The following CDH13 variants were observed in gnomAD, a reference collection of about 807,000 sequenced individuals.
The protein encoded by CDH13 is cadherin-13.
In CDH13, 24 loss-of-function variants were observed where a neutral mutation model predicts 63.8. The observed-to-expected ratio is 0.38, with a 90% CI of 0.27 to 0.53. CDH13 has a LOEUF of 0.53. Ranked by LOEUF, CDH13 falls within the 20% of genes least tolerant of loss-of-function variation. The pLI is 0.85. For missense variants in CDH13, 1,049 were observed against 903.1 expected, an observed-to-expected ratio of 1.16 and a Z score of -2.07; for synonymous variants, 503 against 355.3, an observed-to-expected ratio of 1.42 and a Z score of -4.67.
intron 6 of CDH13, among the ~76,000 whole-genome samples, chr16:83,400,350 C>T (rs922799174): frequency 6.6e-6 from 1 of 152,140 alleles, no homozygotes; most frequent in East Asian, 1.9e-4. Context: ...AGTTTGTTTT[C>T]TCAGGCAGGC....
chr16:83,567,278 G>T (rs35432637), intron 7 of CDH13, among the ~76,000 whole-genome samples: 73,459 of 152,042 alleles, frequency 0.48, 18,432 homozygotes, highest in East Asian at 0.62. Flanking sequence ...TAGAAGAAAA[G>T]GCCATATCAA....
chr16:83,321,525 A>ATTTTTTTTTTTTTTTTTTTTTTTTTTTT (rs10672316), intron 5 of CDH13, among the ~76,000 whole-genome samples: 1 of 103,650 alleles, frequency 9.6e-6, no homozygotes, highest in Non-Finnish European at 1.8e-5. Flanking sequence ...GAAATCTGGA[A>ATTTTTTTTTTTTTTTTTTTTTTTTTTTT]TTTTTTTTTT....
chr16:83,783,205 T>C (rs1165104205), intron 12 of CDH13, 49 bp from the exon 13 acceptor site: 2 of 1,306,256 alleles, frequency 1.5e-6, no homozygotes, highest in Middle Eastern at 1.8e-4. Flanking sequence ...CACTCTTTTA[T>C]TGGAAAAAGT....
chr16:83,628,708 T>C (rs941396415), intron 8 of CDH13, among the ~76,000 whole-genome samples: 2 of 151,916 alleles, frequency 1.3e-5, no homozygotes, highest in South Asian at 4.2e-4. Context: ...TGTGAGGCAA[T>C]CTGGGGTTTT....
chr16:83,145,615 T>C (rs1567874713), intron 4 of CDH13, among the ~76,000 whole-genome samples: 1 of 152,200 alleles, frequency 6.6e-6, no homozygotes, highest in Non-Finnish European at 1.5e-5. Flanking sequence ...TTTGCACTTG[T>C]TTCATTTTTT....
chr16:83,208,344 A>G (rs999835924), intron 4 of CDH13, among the ~76,000 whole-genome samples: 3 of 152,206 alleles, frequency 2.0e-5, no homozygotes, highest in Admixed American at 6.5e-5. Context: ...TGTGTCTTCA[A>G]TTTCAAAGGC....
intron 2 of CDH13, 189 bp downstream of exon 2, chr16:82,858,662 G>A (rs759547095): frequency 1.6e-6 from 1 of 627,004 alleles, no homozygotes; most frequent in Non-Finnish European, 2.9e-6. Context: ...TTAATAGAGT[G>A]ATATGCATCT....
chr16:82,897,732 C>T (rs192457993), intron 2 of CDH13, among the ~76,000 whole-genome samples: 42 of 152,386 alleles, frequency 2.8e-4, no homozygotes, highest in Non-Finnish European at 1.8e-4. Flanking sequence ...ATACTCTGCC[C>T]TGCTGAGTAG....
At position 83,110,412 on chromosome 16, in the gene CDH13, G is replaced by A. The variant is rs558710379; in HGVS notation, c.367-14973G>A. On this transcript the variant is annotated intron_variant, in intron 3 of 13. Coordinates refer to ENST00000567109, the MANE Select transcript of CDH13 (RefSeq NM_001257.5). ...ACCACAACCAAGGAGGATTTAACAA[G>A]GGATTTTATGCCTTGCAATGCGGAA... 1.9e-4 allele frequency among the ~76,000 whole-genome samples: 29 copies of A among 152,322 alleles called. 1 individual carries two copies. The highest frequency in any genetic ancestry group is 6.5e-4 in the African/African-American group (27 of 41,572).
chr16:82,909,080 T>G (rs989965630), intron 2 of CDH13, among the ~76,000 whole-genome samples: 1 of 152,220 alleles, frequency 6.6e-6, no homozygotes, highest in Non-Finnish European at 1.5e-5. Flanking sequence ...TCTAGATTAC[T>G]TATGATATGT....
intron 2 of CDH13, among the ~76,000 whole-genome samples, chr16:82,924,228 T>A (rs1180914925): frequency 6.6e-6 from 1 of 152,198 alleles, no homozygotes; most frequent in Non-Finnish European, 1.5e-5. Context: ...AAGATAATGA[T>A]CAAAGGACTC....
chr16:83,121,374 T>C (rs1370076918), intron 3 of CDH13, among the ~76,000 whole-genome samples: 29 of 152,246 alleles, frequency 1.9e-4, no homozygotes, highest in Non-Finnish European at 5.9e-5. Context: ...GCAGTTTGCA[T>C]GCAACCTCTC....
At chr16:82,787,930 C>G (rs938399195) in intron 1 of CDH13, among the ~76,000 whole-genome samples, 1 of 142,532 alleles carries the variant, frequency 7.0e-6, no homozygotes, top group Non-Finnish European at 1.5e-5. Context: ...CTCACAACTC[C>G]TGGGCTGTAC....
At chr16:82,982,945 T>C (rs1056878677) in intron 2 of CDH13, among the ~76,000 whole-genome samples, 3 of 152,170 alleles carry the variant, frequency 2.0e-5, no homozygotes, top group Admixed American at 6.5e-5. Context: ...ATCATAGTTA[T>C]TTCGTTTGCT....
chr16:83,124,119 C>T (rs1315162067), intron 3 of CDH13, among the ~76,000 whole-genome samples: 4 of 152,124 alleles, frequency 2.6e-5, no homozygotes. Flanking sequence ...AATCTTGGCT[C>T]ACTGCACTGT....
chr16:83,456,127 G>A (rs570752274), intron 6 of CDH13, among the ~76,000 whole-genome samples: 1 of 152,362 alleles, frequency 6.6e-6, no homozygotes, highest in African/African-American at 2.4e-5. Context: ...CCAAACACCA[G>A]TGGGGAGTCA....
intron 4 of CDH13, among the ~76,000 whole-genome samples, chr16:83,165,083 G>GAAA (rs397774378): frequency 7.8e-6 from 1 of 127,426 alleles, no homozygotes; most frequent in Non-Finnish European, 1.7e-5. Context: ...AGAAGCAGGA[G>GAAA]AAAAAAAAAA....
At chr16:82,778,644 A>C (rs1597549276) in intron 1 of CDH13, among the ~76,000 whole-genome samples, 1 of 148,692 alleles carries the variant, frequency 6.7e-6, no homozygotes, top group Admixed American at 6.7e-5. Context: ...TATGGCTGCC[A>C]GGGAGATATC....
chr16:82,812,396 G>A (rs934977429), intron 1 of CDH13, among the ~76,000 whole-genome samples: 4 of 152,128 alleles, frequency 2.6e-5, no homozygotes, highest in Non-Finnish European at 4.4e-5. Flanking sequence ...GAAGCCTTGA[G>A]GAGTTCCAAA....
Sources: allele counts gnomAD v4.1 joint callset (sites outside exome capture counted in the v4.1 genomes callset), GRCh38; gene constraint gnomAD v4.1.1; transcripts MANE v1.5; gene names NCBI Gene and HGNC (gene_info 2026-07-23, HGNC 2026-07-21).